INTS15: variants seen among roughly 807,000 people sequenced by gnomAD.
INTS15 encodes the protein integrator complex subunit 15.
the INTS15 span, among the ~76,000 whole-genome samples, chr7:6,591,011 G>T: frequency 2.6e-5 from 4 of 151,450 alleles, no homozygotes; most frequent in Non-Finnish European, 5.9e-5. Flanking sequence ...GCTAATTTTT[G>T]AATGTTTTGT....
the INTS15 span, chr7:6,608,124 T>C: frequency 1.7e-6 from 2 of 1,153,272 alleles, no homozygotes; most frequent in Non-Finnish European, 2.4e-6. Flanking sequence ...CACACCTTCA[T>C]CTCCGGCGTG....
the INTS15 span, among the ~76,000 whole-genome samples, chr7:6,593,391 C>A: frequency 4.3e-5 from 6 of 137,966 alleles, no homozygotes; most frequent in African/African-American, 1.7e-4. Flanking sequence ...AGTGCAGTGG[C>A]GCGATCTCGG....
At chr7:6,600,769 T>G in the INTS15 span, among the ~76,000 whole-genome samples, 1 of 152,130 alleles carries the variant, frequency 6.6e-6, no homozygotes, top group African/African-American at 2.4e-5. Flanking sequence ...GCAATCATCG[T>G]GCATCAGCCT....
At chr7:6,598,020 G>C in the INTS15 span, among the ~76,000 whole-genome samples, 3 of 152,216 alleles carry the variant, frequency 2.0e-5, no homozygotes. Flanking sequence ...ATGCCAACGT[G>C]TATGATGAGG....
chr7:6,591,207 C>A, the INTS15 span, among the ~76,000 whole-genome samples: 2 of 151,670 alleles, frequency 1.3e-5, no homozygotes, highest in South Asian at 2.1e-4. Context: ...GCGAAAAGTT[C>A]TACGGGAACT....
At chr7:6,596,399 G>A in the INTS15 span, among the ~76,000 whole-genome samples, 1 of 94,580 alleles carries the variant, frequency 1.1e-5, no homozygotes, top group African/African-American at 3.8e-5. Context: ...TTTTTTTTGA[G>A]ACGGAATCTC....
chr7:6,600,118 C>T, the INTS15 span: 1 of 1,614,198 alleles, frequency 6.2e-7, no homozygotes, highest in Non-Finnish European at 8.5e-7. Context: ...ACTCAAAACT[C>T]CACCTCAGCG....
the INTS15 span, among the ~76,000 whole-genome samples, chr7:6,600,511 C>T: frequency 6.6e-6 from 1 of 152,072 alleles, no homozygotes; most frequent in Non-Finnish European, 1.5e-5. Context: ...GCCGTGCCCC[C>T]TGCATTCCAC....
At chr7:6,603,590 G>A in the INTS15 span, among the ~76,000 whole-genome samples, 1 of 151,850 alleles carries the variant, frequency 6.6e-6, no homozygotes, top group African/African-American at 2.4e-5. Flanking sequence ...TGTAATCCCA[G>A]CACTTCGGGA....
At chr7:6,598,191 C>T in the INTS15 span, among the ~76,000 whole-genome samples, 4 of 152,062 alleles carry the variant, frequency 2.6e-5, no homozygotes, top group African/African-American at 4.8e-5. Context: ...CACACGTGGC[C>T]GGGACGGGTG....
the INTS15 span, among the ~76,000 whole-genome samples, chr7:6,606,597 C>T: frequency 6.6e-6 from 1 of 152,060 alleles, no homozygotes; most frequent in Non-Finnish European, 1.5e-5. Context: ...CGGGCAGAGC[C>T]CCTCTGTCTG....
At chr7:6,592,150 G>A in the INTS15 span, among the ~76,000 whole-genome samples, 1 of 147,548 alleles carries the variant, frequency 6.8e-6, no homozygotes, top group Non-Finnish European at 1.5e-5. Context: ...CAGCCTGGGT[G>A]ACAGAGCAAG....
chr7:6,591,565 A>C, the INTS15 span: 3 of 1,297,000 alleles, frequency 2.3e-6, no homozygotes, highest in Non-Finnish European at 3.3e-6. Flanking sequence ...CGCCCAGTCT[A>C]TTTCCTGTTT....
the INTS15 span, among the ~76,000 whole-genome samples, chr7:6,593,329 G>GTTT: frequency 4.4e-3 from 571 of 130,836 alleles, 16 homozygotes; most frequent in African/African-American, 0.015. Flanking sequence ...CTGTGCGGTG[G>GTTT]TTTTTTTTTT....
the INTS15 span, among the ~76,000 whole-genome samples, chr7:6,593,140 T>C: frequency 6.6e-6 from 1 of 152,168 alleles, no homozygotes; most frequent in African/African-American, 2.4e-5. Context: ...GCAGATGTTT[T>C]ATGTAGAGGG....
the INTS15 span, among the ~76,000 whole-genome samples, chr7:6,607,229 G>T: frequency 1.3e-5 from 2 of 152,126 alleles, no homozygotes; most frequent in Non-Finnish European, 2.9e-5. The surrounding 1 kb of genome is among the most constrained non-coding windows in gnomAD (Gnocchi z 6.0). Flanking sequence ...CGTTGAATTT[G>T]CTGGGAGGAG....
At chr7:6,599,463 G>A in the INTS15 span, among the ~76,000 whole-genome samples, 1 of 152,226 alleles carries the variant, frequency 6.6e-6, no homozygotes, top group East Asian at 1.9e-4. Flanking sequence ...CGTACTCAGG[G>A]AAGGGGTGAC....
the INTS15 span, chr7:6,607,987 C>T: frequency 3.1e-6 from 5 of 1,600,266 alleles, no homozygotes; most frequent in Admixed American, 3.3e-5. This position sits in a 1 kb window ranked among gnomAD's most constrained non-coding sequence, Gnocchi z 6.0. Flanking sequence ...TCTCGGGTCC[C>T]GTGCAGCAGT....
chr7:6,595,964 C>G, the INTS15 span, among the ~76,000 whole-genome samples: 2 of 152,310 alleles, frequency 1.3e-5, no homozygotes, highest in African/African-American at 4.8e-5. Context: ...GCCATACCAG[C>G]ACTTTGAAAG....
Sources: gnomAD v4.1 joint callset for allele counts (sites outside exome capture counted in the v4.1 genomes callset) on GRCh38, gnomAD v4.1.1 for gene constraint, Gnocchi (gnomAD v3.1) non-coding constraint, MANE v1.5 for transcripts, NCBI Gene and HGNC (gene_info 2026-07-23, HGNC 2026-07-21) for gene names.